Variants in ASIC2 observed in about 807,000 individuals in gnomAD.
The protein encoded by ASIC2 is acid-sensing ion channel 2.
Under a neutral mutation model 57.3 loss-of-function variants are expected in ASIC2, and 25 were observed. The ratio of observed to expected loss-of-function variants is 0.44; its 90% CI spans 0.32 to 0.61. ASIC2 has a LOEUF of 0.61. Among genes scored for constraint, ASIC2 ranks in the 20% least tolerant of loss-of-function variants. The pLI is 0.06. For missense variants in ASIC2, 641 were observed against 738.1 expected (o/e 0.87, Z 1.52); for synonymous variants, 319 against 307.5 (o/e 1.04, Z -0.39).
At chr17:33,612,332 A>T (rs574779234) in intron 1 of ASIC2, among the ~76,000 whole-genome samples, 1 of 152,332 alleles carries the variant, frequency 6.6e-6, no homozygotes, top group African/African-American at 2.4e-5. Context: ...TTCTTTTACC[A>T]GGAGTGGGTA....
rs376905190 is a variant in ASIC2, at chr17:33,382,563, C to T, written c.556-270496G>A. Among the ~76,000 whole-genome samples, 68 of 152,246 alleles carry T rather than the reference C, an allele frequency of 4.5e-4. 1 individual carries two copies. Among genetic ancestry groups the T allele is most frequent in the Non-Finnish European group, 4.1e-4 (28 of 68,014 alleles). On this transcript the variant is annotated intron_variant, in intron 1 of 9. Transcript: ENST00000359872. ...TCACATAAGGAAAATAGGAAGGTGCCCATCATGGGTTTGCCCTGCAGACCT... is the reference window on the plus strand; with the variant it reads ...TCACATAAGGAAAATAGGAAGGTGCTCATCATGGGTTTGCCCTGCAGACCT...
At chr17:33,050,178 C>T (rs1339062754) in intron 3 of ASIC2, among the ~76,000 whole-genome samples, 2 of 152,188 alleles carry the variant, frequency 1.3e-5, no homozygotes, top group Non-Finnish European at 2.9e-5. Context: ...TATACCTGAA[C>T]GTGGCCGCTG....
chr17:34,050,808 AG>A, intron 1 of ASIC2, among the ~76,000 whole-genome samples: 1 of 152,320 alleles, frequency 6.6e-6, no homozygotes, highest in East Asian at 1.9e-4. Flanking sequence ...GTGAGCACTC[AG>A]AGGAAGACAA....
At chr17:33,608,169 G>T (rs754127117) in intron 1 of ASIC2, among the ~76,000 whole-genome samples, 1 of 152,150 alleles carries the variant, frequency 6.6e-6, no homozygotes, top group African/African-American at 2.4e-5. Context: ...CCATGAGAAT[G>T]GCGTTACATA....
intron 1 of ASIC2, among the ~76,000 whole-genome samples, chr17:33,907,261 C>G (rs1171255199): frequency 6.6e-6 from 1 of 152,178 alleles, no homozygotes; most frequent in Non-Finnish European, 1.5e-5. Context: ...TCCTGGGGGT[C>G]AGGCGATAAG....
intron 1 of ASIC2, among the ~76,000 whole-genome samples, chr17:33,898,545 C>A (rs538896098): frequency 2.0e-5 from 3 of 152,194 alleles, no homozygotes; most frequent in Admixed American, 6.5e-5. Flanking sequence ...CTCATGTATA[C>A]TCTTACCTAG....
At chr17:33,974,308 T>C (rs1020930587) in intron 1 of ASIC2, among the ~76,000 whole-genome samples, 3 of 152,170 alleles carry the variant, frequency 2.0e-5, no homozygotes, top group Non-Finnish European at 1.5e-5. Flanking sequence ...AGGAAGCAGA[T>C]TTAAAGATCT....
chr17:33,671,991 T>G (rs1004024861), intron 1 of ASIC2, among the ~76,000 whole-genome samples: 1 of 152,074 alleles, frequency 6.6e-6, no homozygotes, highest in Non-Finnish European at 1.5e-5. Flanking sequence ...TGGAATCACA[T>G]CAGTTCACTT....
chr17:33,168,634 T>G (rs1311519791), intron 1 of ASIC2, among the ~76,000 whole-genome samples: 2 of 152,160 alleles, frequency 1.3e-5, no homozygotes, highest in African/African-American at 4.8e-5. Context: ...TAGGACTTTG[T>G]GGAAGGCAGA....
chr17:33,828,134 T>C (rs1912996725), intron 1 of ASIC2: 1 of 152,230 alleles, frequency 6.6e-6, no homozygotes, highest in Non-Finnish European at 1.5e-5. Context: ...TTGATGGGCA[T>C]TTGGGTTGGT....
chr17:33,659,591 C>A (rs538496266), intron 1 of ASIC2, among the ~76,000 whole-genome samples: 2 of 152,078 alleles, frequency 1.3e-5, no homozygotes, highest in African/African-American at 2.4e-5. Context: ...ATACACCTGG[C>A]GGGGCGCGGT....
intron 1 of ASIC2, among the ~76,000 whole-genome samples, chr17:33,798,144 G>A (rs909087727): frequency 2.6e-5 from 4 of 152,218 alleles, no homozygotes; most frequent in South Asian, 2.1e-4. Flanking sequence ...AAGGACTAGC[G>A]AGATGAGGAG....
At chr17:33,334,541 C>T (rs1907439863) in intron 1 of ASIC2, among the ~76,000 whole-genome samples, 1 of 152,166 alleles carries the variant, frequency 6.6e-6, no homozygotes, top group Admixed American at 6.5e-5. Flanking sequence ...TAGTCTGTCC[C>T]AAAGAGACCC....
chr17:33,578,464 A>G (rs1279195465), intron 1 of ASIC2, among the ~76,000 whole-genome samples: 1 of 152,234 alleles, frequency 6.6e-6, no homozygotes, highest in African/African-American at 2.4e-5. Flanking sequence ...GTATGAATAA[A>G]GACTGAACAA....
chr17:33,080,417 G>A (rs1007629421), intron 3 of ASIC2, among the ~76,000 whole-genome samples: 1 of 152,110 alleles, frequency 6.6e-6, no homozygotes, highest in Non-Finnish European at 1.5e-5. Flanking sequence ...CAAGAAAAAG[G>A]GAAATGAAGA....
At chr17:33,165,109 C>T (rs533160836) in intron 1 of ASIC2, among the ~76,000 whole-genome samples, 12 of 152,298 alleles carry the variant, frequency 7.9e-5, no homozygotes, top group African/African-American at 2.6e-4. Context: ...CTCAGGAGGC[C>T]CCACATGGCC....
intron 1 of ASIC2, among the ~76,000 whole-genome samples, chr17:33,614,981 A>G (rs548985297): frequency 2.1e-4 from 32 of 152,348 alleles, no homozygotes; most frequent in South Asian, 6.2e-4. Context: ...GTGTCTGTCA[A>G]TGCATTAATT....
intron 1 of ASIC2, among the ~76,000 whole-genome samples, chr17:33,879,384 A>G (rs556303851): frequency 4.6e-5 from 7 of 152,390 alleles, no homozygotes; most frequent in African/African-American, 1.7e-4. Context: ...AGAGACACAC[A>G]TAGGCTCAAA....
intron 1 of ASIC2, among the ~76,000 whole-genome samples, chr17:33,641,820 CA>C (rs1212750022): frequency 2.0e-5 from 3 of 152,088 alleles, no homozygotes; most frequent in Non-Finnish European, 4.4e-5. Context: ...GTGGTCTGTA[CA>C]AAAGGGACTG....
Sources: gnomAD v4.1 joint callset for allele counts (sites outside exome capture counted in the v4.1 genomes callset) on GRCh38, gnomAD v4.1.1 for gene constraint, MANE v1.5 for transcripts, NCBI Gene and HGNC (gene_info 2026-07-23, HGNC 2026-07-21) for gene names.